The following CCDC102B variants were observed in gnomAD, a reference collection of about 807,000 sequenced individuals.
CCDC102B encodes the protein coiled-coil domain-containing protein 102B.
CCDC102B carries 75 observed loss-of-function variants against 57.4 expected under a neutral mutation model. That is an observed-to-expected ratio of 1.31 (90% CI 1.08 to 1.58). The LOEUF is 1.58. Among genes scored for constraint, CCDC102B ranks in the 40% most tolerant of loss-of-function variants. The pLI is 0.00. For synonymous variants in CCDC102B, 206 were observed against 201.9 expected, an observed-to-expected ratio of 1.02 and a Z score of -0.17; for missense variants, 636 against 582.6, an observed-to-expected ratio of 1.09 and a Z score of -0.94.
chr18:68,925,769 A>G (rs1273365078), intron 6 of CCDC102B, among the ~76,000 whole-genome samples: 1 of 152,014 alleles, frequency 6.6e-6, no homozygotes, highest in Non-Finnish European at 1.5e-5. Context: ...TTATAAGGGT[A>G]CATGCCAATG....
At chr18:68,975,591 A>G (rs2050413641) in intron 6 of CCDC102B, among the ~76,000 whole-genome samples, 1 of 151,972 alleles carries the variant, frequency 6.6e-6, no homozygotes, top group Admixed American at 6.6e-5. Flanking sequence ...AATCATAAGT[A>G]AAGGCTAAGA....
At chr18:69,030,782 G>A (rs752944539) in intron 7 of CCDC102B, among the ~76,000 whole-genome samples, 8 of 152,082 alleles carry the variant, frequency 5.3e-5, no homozygotes, top group African/African-American at 1.4e-4. Context: ...AGCCTCCTGC[G>A]TAGCTGGGAC....
At chr18:69,005,968 A>G (rs1177829075) in intron 6 of CCDC102B, among the ~76,000 whole-genome samples, 1 of 152,058 alleles carries the variant, frequency 6.6e-6, no homozygotes, top group Non-Finnish European at 1.5e-5. Flanking sequence ...CTTTAGTACC[A>G]TATATTTTTA....
At chr18:68,809,660 T>A (rs80081478) in intron 1 of CCDC102B, among the ~76,000 whole-genome samples, 8 of 152,194 alleles carry the variant, frequency 5.3e-5, no homozygotes, top group African/African-American at 1.9e-4. Context: ...GTAAGCTCCA[T>A]GAGAGTGGAC....
At position 68,911,810 on chromosome 18, in the gene CCDC102B, A is replaced by G. The variant is rs561036742; in HGVS notation, c.1263+14382A>G. On this transcript the variant is annotated intron_variant, in intron 6 of 7. Coordinates refer to ENST00000360242, the MANE Select transcript of CCDC102B (RefSeq NM_024781.3). ...AAAATACCTAATAGGTACTAGGCTT[A>G]ATACCTGGGTGATCAAATAATTTGT... Among the ~76,000 whole-genome samples, 17 of 149,856 alleles carry G rather than the reference A, an allele frequency of 1.1e-4. 1 individual carries two copies. In the South Asian group the frequency reaches 2.1e-3, roughly 19 times the overall value.
intron 1 of CCDC102B, among the ~76,000 whole-genome samples, chr18:68,808,638 C>A (rs1004400705): frequency 6.6e-6 from 1 of 151,854 alleles, no homozygotes; most frequent in Non-Finnish European, 1.5e-5. Context: ...CCACCACGCC[C>A]GGATAATTTT....
intron 2 of CCDC102B, among the ~76,000 whole-genome samples, chr18:68,786,650 A>T (rs2144648234): frequency 7.3e-6 from 1 of 137,034 alleles, no homozygotes; most frequent in East Asian, 2.1e-4. Context: ...GTGTATAAGA[A>T]TGCTTGTGAT....
intron 2 of CCDC102B, among the ~76,000 whole-genome samples, chr18:68,781,347 T>C (rs889959528): frequency 1.3e-5 from 2 of 151,954 alleles, no homozygotes; most frequent in African/African-American, 4.8e-5. Flanking sequence ...ACAAAGAAAT[T>C]TGGATATAGA....
chr18:68,880,902 A>T (rs896305810), intron 5 of CCDC102B, among the ~76,000 whole-genome samples: 1 of 152,182 alleles, frequency 6.6e-6, no homozygotes. Context: ...CAAGTTCAAA[A>T]CAGCTCTTCT....
chr18:68,803,859 T>A (rs1430942215), intron 1 of CCDC102B, among the ~76,000 whole-genome samples: 1 of 151,830 alleles, frequency 6.6e-6, no homozygotes, highest in Non-Finnish European at 1.5e-5. Context: ...CAGGGATGGT[T>A]TATGTTTAGA....
At chr18:68,809,221 AG>A (rs1226410464) in intron 1 of CCDC102B, among the ~76,000 whole-genome samples, 1 of 152,162 alleles carries the variant, frequency 6.6e-6, no homozygotes, top group Non-Finnish European at 1.5e-5. Flanking sequence ...GGTGGGTGAA[AG>A]CAGCTGGCTT....
At chr18:68,833,616 T>C (rs1447388803) in intron 1 of CCDC102B, among the ~76,000 whole-genome samples, 2 of 152,114 alleles carry the variant, frequency 1.3e-5, no homozygotes, top group Non-Finnish European at 2.9e-5. Flanking sequence ...CCTTTTATAC[T>C]AAGGATATTT....
At chr18:68,958,209 A>G (rs1309532421) in intron 6 of CCDC102B, among the ~76,000 whole-genome samples, 1 of 152,176 alleles carries the variant, frequency 6.6e-6, no homozygotes, top group East Asian at 1.9e-4. Flanking sequence ...CTCTCCCACA[A>G]CACATGGCAA....
intron 7 of CCDC102B, among the ~76,000 whole-genome samples, chr18:69,024,887 A>G (rs751419603): frequency 1.3e-5 from 2 of 152,040 alleles, no homozygotes; most frequent in Non-Finnish European, 2.9e-5. Flanking sequence ...AACATTATAT[A>G]GTTCTTATAT....
At chr18:68,996,820 TTGGTTTTGAAA>T (rs2051041153) in intron 6 of CCDC102B, among the ~76,000 whole-genome samples, 1 of 152,122 alleles carries the variant, frequency 6.6e-6, no homozygotes, top group African/African-American at 2.4e-5. Flanking sequence ...GAAGGCATGA[TTGGTTTTGAAA>T]TGTGAAAAGA....
intron 2 of CCDC102B, among the ~76,000 whole-genome samples, chr18:68,726,288 C>A (rs2032591072): frequency 1.3e-5 from 2 of 151,832 alleles, no homozygotes; most frequent in Admixed American, 1.3e-4. Context: ...AAAATGGGAA[C>A]TGTTAGAGTT....
At chr18:69,047,956 C>A (rs932575804) in intron 7 of CCDC102B, among the ~76,000 whole-genome samples, 12 of 152,198 alleles carry the variant, frequency 7.9e-5, no homozygotes, top group African/African-American at 2.4e-4. Flanking sequence ...GGCCATACTG[C>A]CCAAAGCAAC....
chr18:68,987,830 A>G (rs1488382775), intron 6 of CCDC102B, among the ~76,000 whole-genome samples: 3 of 152,234 alleles, frequency 2.0e-5, no homozygotes, highest in Non-Finnish European at 4.4e-5. Context: ...AGAAATGCAA[A>G]TCAAAACCAT....
At chr18:68,740,667 C>T (rs541633077) in intron 2 of CCDC102B, among the ~76,000 whole-genome samples, 3 of 152,306 alleles carry the variant, frequency 2.0e-5, no homozygotes, top group East Asian at 1.9e-4. Context: ...GAGTAGATCG[C>T]ATGAGTAACC....
Sources: allele counts gnomAD v4.1 joint callset (sites outside exome capture counted in the v4.1 genomes callset), GRCh38; gene constraint gnomAD v4.1.1; transcripts MANE v1.5; gene names NCBI Gene and HGNC (gene_info 2026-07-23, HGNC 2026-07-21).